Variants in TRAIP observed in about 807,000 individuals in gnomAD.
TRAIP encodes the protein TRAF interacting protein.
Under a neutral mutation model 65.0 loss-of-function variants are expected in TRAIP, and 37 were observed. The observed-to-expected ratio is 0.57, with a 90% CI of 0.44 to 0.75. The LOEUF is 0.75. TRAIP is among the 30% of genes least tolerant of loss of function. The pLI is 0.00. For synonymous variants in TRAIP, 187 were observed against 219.1 expected, an observed-to-expected ratio of 0.85 and a Z score of 1.29; for missense variants, 481 against 579.4, an observed-to-expected ratio of 0.83 and a Z score of 1.74.
intron 1 of TRAIP, among the ~76,000 whole-genome samples, chr3:49,849,560 G>C (rs1393277457): frequency 6.6e-6 from 1 of 152,010 alleles, no homozygotes; most frequent in Non-Finnish European, 1.5e-5. Context: ...GGGAGGCGGA[G>C]ATTGCAGTGA....
At chr3:49,837,508 A>C (rs1255941026) in intron 10 of TRAIP, among the ~76,000 whole-genome samples, 2 of 152,156 alleles carry the variant, frequency 1.3e-5, no homozygotes, top group African/African-American at 2.4e-5. Flanking sequence ...ACACAAGAAT[A>C]GACTGTGCTG....
Position 49,831,958 on chromosome 3 carries a change from G to A in TRAIP, c.995C>T (p.Ser332Phe), listed in dbSNP as rs1575389430. 1 of 1,602,652 alleles carries A rather than the reference G, an allele frequency of 6.2e-7. No individual in the cohort carries two copies. The change falls in exon 11 of 15, where the codon TCC becomes TTC. Residue 332 changes from serine to phenylalanine, a missense_variant. Ser to Phe is a radical substitution (Grantham distance 155). Coordinates refer to ENST00000331456, the MANE Select transcript of TRAIP (RefSeq NM_005879.3). ...AAGTTTTTCGTAGTAACCATGCTGGGAGCTGGAGGGCCGGGCTGGGGGAGT... is the reference window on the plus strand; with the variant it reads ...AAGTTTTTCGTAGTAACCATGCTGGAAGCTGGAGGGCCGGGCTGGGGGAGT... Reference protein sequence around the residue: ...VDTPPARPSSSQHGYYEKLCL... With the variant: ...VDTPPARPSSFQHGYYEKLCL...
In TRAIP at chr3:49,844,524, G is replaced by A. The variant is rs375395645; in HGVS notation, c.280+17C>T. 123 of 1,613,416 alleles carry A rather than the reference G, an allele frequency of 7.6e-5. No individual in the cohort carries two copies. The highest frequency in any genetic ancestry group is 2.0e-4 in the East Asian group (9 of 44,870). On this transcript the variant is annotated intron_variant, in intron 4 of 14. Transcript: ENST00000331456. The stretch of plus-strand genomic sequence containing the variant: ...AGTCAGGGGCTTCCCAGCACCCCTC[G>A]TCTCTTGCTAACTCACCTTTCTGGG...
chr3:49,844,673 AC>A, intron 3 of TRAIP, 93 bp from the exon 4 acceptor site: 1 of 1,435,326 alleles, frequency 7.0e-7, no homozygotes, highest in African/African-American at 1.4e-5. Flanking sequence ...CCAGGATTGA[AC>A]AATGAGGCCT....
chr3:49,829,999 C>G, intron 12 of TRAIP, 21 bp downstream of exon 12: 2 of 1,614,130 alleles, frequency 1.2e-6, no homozygotes, highest in Non-Finnish European at 1.7e-6. Context: ...TTAGACTGTG[C>G]TTCTTCTAGA....
chr3:49,836,215 G>C (rs1487678488), intron 10 of TRAIP, among the ~76,000 whole-genome samples: 5 of 152,230 alleles, frequency 3.3e-5, no homozygotes, highest in Non-Finnish European at 7.3e-5. Context: ...TGGTGGCTGG[G>C]TGTGGTGGCT....
At chr3:49,840,189 C>G in intron 9 of TRAIP, 95 bp downstream of exon 9, 1 of 1,158,848 alleles carries the variant, frequency 8.6e-7, no homozygotes, top group Non-Finnish European at 1.3e-6. Context: ...CCACCACTGA[C>G]TGGTGCAAGG....
chr3:49,842,861 C>T (rs2081850531), intron 5 of TRAIP, among the ~76,000 whole-genome samples: 1 of 152,192 alleles, frequency 6.6e-6, no homozygotes, highest in African/African-American at 2.4e-5. Flanking sequence ...GTGGTCTGGG[C>T]CTCATGGTAC....
In TRAIP at chr3:49,829,231, G is replaced by A. The variant is rs1488121644; in HGVS notation, c.1288-6C>T. The A allele has an allele frequency of 6.2e-7, 1 of 1,614,242 alleles. No individual in the cohort carries two copies. Among genetic ancestry groups the A allele is most frequent in the Admixed American group, 1.7e-5 (1 of 60,026 alleles). The stretch of plus-strand genomic sequence containing the variant: ...CGGATCATGACTGTGTCAGTCTGGA[G>A]GAGCTGTCAAGGAAGAGGCATGGAG... On this transcript the variant is annotated splice_region_variant and splice_polypyrimidine_tract_variant and intron_variant, in intron 14 of 14. Coordinates refer to ENST00000331456, the MANE Select transcript of TRAIP (RefSeq NM_005879.3).
At chr3:49,848,336 G>A in intron 1 of TRAIP, 136 bp from the exon 2 acceptor site, 2 of 905,440 alleles carry the variant, frequency 2.2e-6, no homozygotes, top group South Asian at 3.1e-5. Context: ...GAGGACAGTA[G>A]CATAGGCAGT....
chr3:49,841,929 G>C lies in TRAIP; in HGVS notation c.514C>G (p.Leu172Val). The C allele has an allele frequency of 6.2e-7, 1 of 1,614,162 alleles. No individual in the cohort carries two copies. Among genetic ancestry groups the C allele is most frequent in the Non-Finnish European group, 8.5e-7 (1 of 1,179,988 alleles). The change falls in exon 7 of 15, where the codon CTA becomes GTA. Residue 172 changes from leucine (L) to valine (V), a missense_variant. Coordinates refer to ENST00000331456, the MANE Select transcript of TRAIP (RefSeq NM_005879.3). ...ACCTCAGGGCGCTGGCTCTGGAGTAGAAGCTCAATCCTGAAAAATACACCC... is the reference window on the plus strand; with the variant it reads ...ACCTCAGGGCGCTGGCTCTGGAGTACAAGCTCAATCCTGAAAAATACACCC... ...KMKTMEQIEL[L>V]LQSQRPEVEE...
intron 10 of TRAIP, among the ~76,000 whole-genome samples, chr3:49,839,024 A>G (rs1370551505): frequency 1.3e-5 from 2 of 150,722 alleles, no homozygotes; most frequent in African/African-American, 4.9e-5. Context: ...CCCCGTCTCT[A>G]CTAAAATACA....
rs2081971618 is a variant in TRAIP, at chr3:49,856,526, G to A, written c.-73C>T. On this transcript the variant is annotated 5_prime_UTR_variant, in exon 1 of 15. Coordinates refer to ENST00000331456, the MANE Select transcript of TRAIP (RefSeq NM_005879.3). ...TCCGGCTTCGTAGACGCGCCCCCGCGCCTCCGCTTGCTTCAAATTTGGCTC... is the reference window on the plus strand; with the variant it reads ...TCCGGCTTCGTAGACGCGCCCCCGCACCTCCGCTTGCTTCAAATTTGGCTC... 9 of 1,382,390 alleles carry A rather than the reference G, an allele frequency of 6.5e-6. No individual in the cohort carries two copies. The highest frequency in any genetic ancestry group is 1.9e-4 in the Middle Eastern group (1 of 5,320). 85.6% of individuals were successfully genotyped at this position (1,382,390 alleles called of 1,614,324 possible). A position where few individuals can be genotyped will look rare whatever the true frequency, so the allele number is the denominator to read the frequency against.
chr3:49,846,225 T>C (rs2081880574), intron 3 of TRAIP, among the ~76,000 whole-genome samples: 1 of 152,084 alleles, frequency 6.6e-6, no homozygotes, highest in Non-Finnish European at 1.5e-5. Context: ...GGCAATTTTT[T>C]TTCTTTTAAC....
Position 49,828,918 on chromosome 3 carries a change from G to T in TRAIP, c.*185C>A. The T allele has an allele frequency of 1.3e-6, 1 of 741,860 alleles. No individual in the cohort carries two copies. The highest frequency in any genetic ancestry group is 2.2e-6 in the Non-Finnish European group (1 of 444,982). The allele number at this position is 741,860 out of a possible 1,614,324, so 46.0% of individuals were successfully genotyped here. On this transcript the variant is annotated 3_prime_UTR_variant, in exon 15 of 15. Coordinates refer to ENST00000331456, the MANE Select transcript of TRAIP (RefSeq NM_005879.3). Reference sequence around the variant, plus strand: ...TGGTCATGTCAGCTCCCAGTCGTAGGAGTGGGGCAGGGTGAGGGCAGGAAG... The same window carrying T: ...TGGTCATGTCAGCTCCCAGTCGTAGTAGTGGGGCAGGGTGAGGGCAGGAAG...
chr3:49,853,491 A>G (rs1219963668), intron 1 of TRAIP, among the ~76,000 whole-genome samples: 3 of 152,178 alleles, frequency 2.0e-5, no homozygotes, highest in Admixed American at 6.5e-5. Flanking sequence ...AAGATATACC[A>G]TGCAGTCACC....
chr3:49,837,610 G>A (rs2081800232), intron 10 of TRAIP, among the ~76,000 whole-genome samples: 1 of 152,056 alleles, frequency 6.6e-6, no homozygotes, highest in African/African-American at 2.4e-5. Flanking sequence ...TTGAGACGGA[G>A]TCTCTCTGTC....
At chr3:49,854,999 G>A (rs968214876) in intron 1 of TRAIP, among the ~76,000 whole-genome samples, 1 of 152,130 alleles carries the variant, frequency 6.6e-6, no homozygotes, top group African/African-American at 2.4e-5. Flanking sequence ...AGGAGGTAGA[G>A]GCTGCAGTGA....
chr3:49,842,410 C>T (rs750501180), intron 6 of TRAIP, 43 bp downstream of exon 6: 2 of 1,590,944 alleles, frequency 1.3e-6, no homozygotes, highest in African/African-American at 1.3e-5. Flanking sequence ...ACTTGCAGGC[C>T]CTGGGGGCAA....
Sources: allele counts gnomAD v4.1 joint callset (sites outside exome capture counted in the v4.1 genomes callset), GRCh38; gene constraint gnomAD v4.1.1; transcripts MANE v1.5; gene names NCBI Gene and HGNC (gene_info 2026-07-23, HGNC 2026-07-21).